The following PRKG2 variants were observed in gnomAD, a reference collection of about 807,000 sequenced individuals.
PRKG2 encodes the protein cGMP-dependent protein kinase 2.
Under a neutral mutation model 97.2 loss-of-function variants are expected in PRKG2, and 33 were observed. That is an observed-to-expected ratio of 0.34 (90% CI 0.26 to 0.45). The LOEUF is 0.45. Ranked by LOEUF, PRKG2 falls within the 20% of genes least tolerant of loss-of-function variation. The pLI is 1.00. For synonymous variants in PRKG2, 330 were observed against 321.8 expected (o/e 1.03, Z -0.27); for missense variants, 638 against 900.0 (o/e 0.71, Z 3.73).
chr4:81,207,469 A>G (rs540359818), intron 1 of PRKG2, among the ~76,000 whole-genome samples: 24 of 152,356 alleles, frequency 1.6e-4, no homozygotes, highest in Non-Finnish European at 3.1e-4. Context: ...ATCATATACC[A>G]TATCAGAGGC....
chr4:81,137,022 C>T (rs2110030698), intron 13 of PRKG2, among the ~76,000 whole-genome samples: 1 of 152,182 alleles, frequency 6.6e-6, no homozygotes, highest in African/African-American at 2.4e-5. Context: ...TCTTGCTCTG[C>T]TTTTCAGTGA....
chr4:81,121,204 G>C (rs1245363339), intron 14 of PRKG2, among the ~76,000 whole-genome samples: 1 of 151,932 alleles, frequency 6.6e-6, no homozygotes, highest in East Asian at 1.9e-4. Context: ...CCAATATTTT[G>C]CTGGGAGCTT....
chr4:81,099,945 A>T (rs1031289996), intron 17 of PRKG2, among the ~76,000 whole-genome samples: 1 of 152,194 alleles, frequency 6.6e-6, no homozygotes, highest in African/African-American at 2.4e-5. Flanking sequence ...CCAAATCATG[A>T]GTGAACTCCC....
rs562216756 is a variant in PRKG2 at position 81,169,860 on chromosome 4, A to G, written c.743-92T>C. 12 of 755,968 alleles carry G rather than the reference A, an allele frequency of 1.6e-5. 1 individual carries two copies. In the South Asian group the frequency reaches 2.9e-4, roughly 18 times the overall value. The allele number at this position is 755,968 out of a possible 1,614,324, so 46.8% of individuals were successfully genotyped here. A position where few individuals can be genotyped will look rare whatever the true frequency, so the allele number is the denominator to read the frequency against. ...ATCGATGGATTTGTTATATGTTCTT[A>G]TAAAATGGTACTTCTTGGAAAATGT... On this transcript the variant is annotated intron_variant, in intron 4 of 18. Coordinates refer to ENST00000264399, the MANE Select transcript of PRKG2 (RefSeq NM_006259.3).
At chr4:81,114,268 T>C (rs1163115408) in intron 14 of PRKG2, among the ~76,000 whole-genome samples, 3 of 151,866 alleles carry the variant, frequency 2.0e-5, no homozygotes, top group Admixed American at 2.0e-4. Context: ...ATGTATCCTA[T>C]ACATTTTGTA....
intron 17 of PRKG2, among the ~76,000 whole-genome samples, chr4:81,096,142 G>A (rs1409737414): frequency 7.9e-5 from 12 of 152,086 alleles, no homozygotes; most frequent in African/African-American, 2.4e-4. Flanking sequence ...CTTAAAATAA[G>A]ACAATGATAA....
chr4:81,098,976 C>A (rs1742418039), intron 17 of PRKG2, among the ~76,000 whole-genome samples: 1 of 152,090 alleles, frequency 6.6e-6, no homozygotes, highest in African/African-American at 2.4e-5. Context: ...CTGCAAGGTG[C>A]AGTAAGTAAA....
intron 17 of PRKG2, among the ~76,000 whole-genome samples, chr4:81,101,898 AAGCTACGC>A (rs1742838963): frequency 6.6e-6 from 1 of 152,150 alleles, no homozygotes; most frequent in Admixed American, 6.6e-5. Flanking sequence ...CTGAGTAGAG[AAGCTACGC>A]AGCTTAAAGA....
chr4:81,154,866 T>A (rs1195689048), intron 6 of PRKG2, among the ~76,000 whole-genome samples: 1 of 152,042 alleles, frequency 6.6e-6, no homozygotes, highest in Non-Finnish European at 1.5e-5. Context: ...AGTTGAAAAC[T>A]TTGAAAAAAA....
At chr4:81,091,698 T>C (rs894018150) in intron 18 of PRKG2, among the ~76,000 whole-genome samples, 14 of 152,200 alleles carry the variant, frequency 9.2e-5, no homozygotes, top group African/African-American at 2.9e-4. Context: ...AGAGGAAATA[T>C]AGATCTTTGC....
At position 81,092,463 on chromosome 4, in the gene PRKG2, A is replaced by AG. The variant is rs765805829; in HGVS notation, c.2127-12dup. The AG allele has an allele frequency of 4.7e-5, 71 of 1,523,930 alleles. No individual in the cohort carries two copies. The highest frequency in any genetic ancestry group is 3.0e-4 in the Admixed American group (16 of 54,052). 94.4% of individuals were successfully genotyped at this position (1,523,930 alleles called of 1,614,324 possible). Reference sequence around the variant, plus strand: ...AAACCATTTAACCACCTGAGAAATGAGAAAGGAAGGAAGGAAGGAAGGAAG... The same window carrying AG: ...AAACCATTTAACCACCTGAGAAATGAGGAAAGGAAGGAAGGAAGGAAGGAAG... On this transcript the variant is annotated splice_polypyrimidine_tract_variant and intron_variant, in intron 17 of 18. Coordinates refer to ENST00000264399, the MANE Select transcript of PRKG2 (RefSeq NM_006259.3).
chr4:81,156,627 A>AT (rs1749123297), intron 6 of PRKG2, among the ~76,000 whole-genome samples: 3 of 152,048 alleles, frequency 2.0e-5, no homozygotes, highest in African/African-American at 7.3e-5. Context: ...CAGAATATAC[A>AT]TTTTTTTCAG....
chr4:81,206,556 T>C (rs191223286), intron 1 of PRKG2, among the ~76,000 whole-genome samples: 1 of 152,276 alleles, frequency 6.6e-6, no homozygotes, highest in East Asian at 1.9e-4. Context: ...GTCTTTATTA[T>C]AATAGCAACA....
intron 15 of PRKG2, among the ~76,000 whole-genome samples, chr4:81,107,566 G>A (rs1743471003): frequency 6.6e-6 from 1 of 152,164 alleles, no homozygotes; most frequent in South Asian, 2.1e-4. Context: ...AGGCTGGAGT[G>A]CAGTGGTGCA....
At position 81,093,360 on chromosome 4, in the gene PRKG2, A is replaced by AACACACAC. The variant is rs60004845; in HGVS notation, c.2127-916_2127-909dup. Among the ~76,000 whole-genome samples the AACACACAC allele has an allele frequency of 2.5e-3, 289 of 116,368 alleles. 1 individual carries two copies. Among genetic ancestry groups the AACACACAC allele is most frequent in the African/African-American group, 6.7e-3 (218 of 32,732 alleles). The allele number at this position is 116,368 out of a possible 152,430, so 76.3% of individuals were successfully genotyped here. A position where few individuals can be genotyped will look rare whatever the true frequency, so the allele number is the denominator to read the frequency against. ...TCTAAAATTGAAACTCTCCCCCACC[A>AACACACAC]ACACACACACACACACACACACACA... On this transcript the variant is annotated intron_variant, in intron 17 of 18. Coordinates refer to ENST00000264399, the MANE Select transcript of PRKG2 (RefSeq NM_006259.3).
chr4:81,213,785 G>T (rs1409456822), intron 1 of PRKG2, among the ~76,000 whole-genome samples: 1 of 152,182 alleles, frequency 6.6e-6, no homozygotes, highest in Non-Finnish European at 1.5e-5. Flanking sequence ...GGCAACATAT[G>T]CCTTCACTGT....
chr4:81,124,186 T>A (rs1353730795), intron 14 of PRKG2, among the ~76,000 whole-genome samples: 1 of 152,232 alleles, frequency 6.6e-6, no homozygotes, highest in East Asian at 1.9e-4. Context: ...ACAGTTTCCC[T>A]GGACATGGAG....
intron 2 of PRKG2, among the ~76,000 whole-genome samples, chr4:81,197,665 G>A (rs993573920): frequency 6.6e-6 from 1 of 152,034 alleles, no homozygotes; most frequent in Non-Finnish European, 1.5e-5. Flanking sequence ...ACTATAGATA[G>A]GTCATAGCAG....
rs138510555 is a variant in PRKG2, at chr4:81,207,360, T to C, written c.-13-2300A>G. Among the ~76,000 whole-genome samples the C allele has an allele frequency of 5.0e-4, 76 of 152,290 alleles. 1 individual carries two copies. Among genetic ancestry groups the C allele is most frequent in the African/African-American group, 1.8e-3 (74 of 41,548 alleles). ...ATGGTAGGAGGAAAAGGATTTGCCTTATAAATAAAAAAGCACGCATAAAAA... is the reference window on the plus strand; with the variant it reads ...ATGGTAGGAGGAAAAGGATTTGCCTCATAAATAAAAAAGCACGCATAAAAA... On this transcript the variant is annotated intron_variant, in intron 1 of 18. Coordinates refer to ENST00000264399, the MANE Select transcript of PRKG2 (RefSeq NM_006259.3).
Sources: allele counts gnomAD v4.1 joint callset (sites outside exome capture counted in the v4.1 genomes callset), GRCh38; gene constraint gnomAD v4.1.1; transcripts MANE v1.5; gene names NCBI Gene and HGNC (gene_info 2026-07-23, HGNC 2026-07-21).